The following COX7B2 variants were observed in gnomAD, a reference collection of about 807,000 sequenced individuals.
The protein encoded by COX7B2 is cytochrome c oxidase subunit 7B2, mitochondrial.
For synonymous variants in COX7B2, 37 were observed against 32.1 expected, an observed-to-expected ratio of 1.15 and a Z score of -0.51; for missense variants, 109 against 95.9, an observed-to-expected ratio of 1.14 and a Z score of -0.57.
At chr4:46,754,456 C>T (rs1236255917) in intron 2 of COX7B2, among the ~76,000 whole-genome samples, 1 of 142,834 alleles carries the variant, frequency 7.0e-6, no homozygotes, top group Non-Finnish European at 1.5e-5. Flanking sequence ...AGCAAACTAT[C>T]GCAAGGACAA....
At chr4:46,833,414 A>G (rs937463032) in intron 2 of COX7B2, among the ~76,000 whole-genome samples, 1 of 152,332 alleles carries the variant, frequency 6.6e-6, no homozygotes, top group Admixed American at 6.5e-5. Flanking sequence ...TAAATTTGGG[A>G]GGTGTATGCT....
chr4:46,825,598 A>G (rs1010768156), intron 2 of COX7B2, among the ~76,000 whole-genome samples: 5 of 152,224 alleles, frequency 3.3e-5, no homozygotes, highest in African/African-American at 1.2e-4. Flanking sequence ...AAAAGGAACA[A>G]AGCTGGAGGC....
At chr4:46,778,037 C>T (rs770545699) in intron 2 of COX7B2, among the ~76,000 whole-genome samples, 2 of 152,032 alleles carry the variant, frequency 1.3e-5, no homozygotes, top group African/African-American at 4.8e-5. Context: ...ATTATTATCA[C>T]TACCAGCTCA....
At chr4:46,824,160 T>C (rs1409169605) in intron 2 of COX7B2, among the ~76,000 whole-genome samples, 4 of 152,002 alleles carry the variant, frequency 2.6e-5, no homozygotes, top group Admixed American at 2.6e-4. Context: ...AGCTCCAAAA[T>C]GGAATTAGTA....
At chr4:46,814,607 G>A (rs1015983818) in intron 2 of COX7B2, among the ~76,000 whole-genome samples, 1 of 152,104 alleles carries the variant, frequency 6.6e-6, no homozygotes, top group Non-Finnish European at 1.5e-5. Context: ...TATATGTAAA[G>A]TAAGAGTTAT....
At chr4:46,792,263 C>T (rs1718089340) in intron 2 of COX7B2, among the ~76,000 whole-genome samples, 1 of 152,166 alleles carries the variant, frequency 6.6e-6, no homozygotes, top group Non-Finnish European at 1.5e-5. Context: ...TTCTCACAGG[C>T]AATGTTATAG....
In COX7B2 at chr4:46,775,808, C is replaced by T. The variant is rs73813562; in HGVS notation, c.-49-40567G>A. 2.6e-3 allele frequency among the ~76,000 whole-genome samples: 388 copies of T among 152,048 alleles called. 2 individuals carry two copies. Among genetic ancestry groups the T allele is most frequent in the African/African-American group, 8.8e-3 (366 of 41,496 alleles). Reference sequence around the variant, plus strand: ...TTATAAATAATAAAGCTTATCGTATCGTATAAAGAAAGAGACTTTCTTATG... The same window carrying T: ...TTATAAATAATAAAGCTTATCGTATTGTATAAAGAAAGAGACTTTCTTATG... On this transcript the variant is annotated intron_variant, in intron 2 of 2. Coordinates refer to ENST00000355591, the MANE Select transcript of COX7B2 (RefSeq NM_130902.3).
rs370860140 is a variant in COX7B2, at chr4:46,843,641, G to A, written c.-50+1319C>T. On this transcript the variant is annotated intron_variant, in intron 2 of 2. Coordinates refer to ENST00000355591, the MANE Select transcript of COX7B2 (RefSeq NM_130902.3). ...GAGGAACATAGAGAAAAAAATAAAA[G>A]CAAAAGCAGTCTACTGCAAACAGTT... Among the ~76,000 whole-genome samples, 11 of 152,036 alleles carry A rather than the reference G, an allele frequency of 7.2e-5. No individual in the cohort carries two copies. The South Asian group carries it at 1.9e-3, about 26-fold the overall frequency.
intron 2 of COX7B2, among the ~76,000 whole-genome samples, chr4:46,801,788 C>G (rs1238638505): frequency 6.6e-5 from 10 of 152,154 alleles, no homozygotes; most frequent in Non-Finnish European, 1.3e-4. Context: ...TACTTTATCA[C>G]TTCTTTTTAA....
At chr4:46,815,408 G>A (rs2109675318) in intron 2 of COX7B2, among the ~76,000 whole-genome samples, 1 of 152,244 alleles carries the variant, frequency 6.6e-6, no homozygotes, top group East Asian at 1.9e-4. Context: ...GGCCTGCAGT[G>A]TAATAATTAT....
chr4:46,743,444 A>C (rs1268181007), intron 2 of COX7B2, among the ~76,000 whole-genome samples: 2 of 152,186 alleles, frequency 1.3e-5, no homozygotes, highest in Non-Finnish European at 2.9e-5. Context: ...TCATTAACTT[A>C]AAAAAAGTAT....
chr4:46,882,573 G>T (rs1718814968), intron 1 of COX7B2, among the ~76,000 whole-genome samples: 2 of 152,024 alleles, frequency 1.3e-5, no homozygotes, highest in East Asian at 1.9e-4. Flanking sequence ...TTTTATTTTG[G>T]TTGGTTTGAA....
chr4:46,887,905 G>A (rs952709625), intron 1 of COX7B2, among the ~76,000 whole-genome samples: 7 of 151,904 alleles, frequency 4.6e-5, no homozygotes, highest in Admixed American at 1.3e-4. Context: ...TTCTGTTGTC[G>A]TCTCCTAGAC....
intron 2 of COX7B2, among the ~76,000 whole-genome samples, chr4:46,777,576 G>A (rs1253015944): frequency 6.6e-6 from 1 of 152,122 alleles, no homozygotes. Flanking sequence ...GGAATCTTGG[G>A]TATAAATGGG....
intron 2 of COX7B2, among the ~76,000 whole-genome samples, chr4:46,737,523 C>G: frequency 6.6e-6 from 1 of 152,172 alleles, no homozygotes; most frequent in East Asian, 1.9e-4. Context: ...TAAAACCAAT[C>G]TGAAATATAA....
rs562841937 is a variant in COX7B2 at position 46,863,362 on chromosome 4, G to C, written c.-104-18348C>G. On this transcript the variant is annotated intron_variant, in intron 1 of 2. Transcript: ENST00000355591. The stretch of plus-strand genomic sequence containing the variant: ...GAAAGAGATAGTACAGGACAAGTCG[G>C]AAAGTACAAGCATGTGATAGTCTGT... Among the ~76,000 whole-genome samples the C allele has an allele frequency of 9.8e-5, 15 of 152,292 alleles. No individual in the cohort carries two copies. In the South Asian group the frequency reaches 2.9e-3, roughly 29 times the overall value.
intron 2 of COX7B2, among the ~76,000 whole-genome samples, chr4:46,810,210 A>G (rs1719218872): frequency 6.6e-6 from 1 of 151,992 alleles, no homozygotes. Context: ...TTGAATGTAA[A>G]TGGATCAAAT....
chr4:46,755,549 T>C (rs1446967809), intron 2 of COX7B2, among the ~76,000 whole-genome samples: 2 of 152,080 alleles, frequency 1.3e-5, no homozygotes, highest in Non-Finnish European at 2.9e-5. Flanking sequence ...GATCACATGA[T>C]AATATATCTA....
chr4:46,811,327 C>CTT (rs539721538), intron 2 of COX7B2, among the ~76,000 whole-genome samples: 1 of 144,920 alleles, frequency 6.9e-6, no homozygotes, highest in African/African-American at 2.5e-5. Flanking sequence ...GGCCTATAGG[C>CTT]TTTTTTTTTT....
Sources: gnomAD v4.1 joint callset for allele counts (sites outside exome capture counted in the v4.1 genomes callset) on GRCh38, gnomAD v4.1.1 for gene constraint, MANE v1.5 for transcripts, NCBI Gene and HGNC (gene_info 2026-07-23, HGNC 2026-07-21) for gene names.